Variants in CSMD3 observed in about 807,000 individuals in gnomAD.
CSMD3 encodes CUB and sushi domain-containing protein 3.
CSMD3 carries 177 observed loss-of-function variants against 435.2 expected under a neutral mutation model. That is an observed-to-expected ratio of 0.41 (90% confidence interval 0.36 to 0.46). CSMD3 has a LOEUF of 0.46. Among genes scored for constraint, CSMD3 ranks in the 20% least tolerant of loss-of-function variants. The pLI, the probability that CSMD3 is intolerant of heterozygous loss-of-function variation, is 0.34. For missense variants in CSMD3, 4,265 were observed against 4,504.6 expected (o/e 0.95, Z 1.52); for synonymous variants, 1,656 against 1,520.5 (o/e 1.09, Z -2.07).
intron 10 of CSMD3, among the ~76,000 whole-genome samples, chr8:112,906,531 T>G (rs2130493212): frequency 6.6e-6 from 1 of 151,676 alleles, no homozygotes; most frequent in Non-Finnish European, 1.5e-5. Flanking sequence ...ACCTATTTTT[T>G]TCTAGCCACT....
intron 4 of CSMD3, among the ~76,000 whole-genome samples, chr8:113,172,466 C>T (rs17606762): frequency 0.036 from 5,526 of 152,194 alleles, 158 homozygotes; most frequent in South Asian, 0.12. Context: ...TACGCAGCAA[C>T]GGAATCTAAC....
At chr8:112,799,025 T>C (rs1441819945) in intron 13 of CSMD3, among the ~76,000 whole-genome samples, 2 of 151,864 alleles carry the variant, frequency 1.3e-5, no homozygotes, top group East Asian at 3.9e-4. Context: ...GACAGATAAA[T>C]ACATGTAACA....
At chr8:113,354,884 C>T (rs1018248997) in intron 1 of CSMD3, among the ~76,000 whole-genome samples, 3 of 152,100 alleles carry the variant, frequency 2.0e-5, no homozygotes, top group Admixed American at 6.6e-5. Flanking sequence ...AGCACTCCAC[C>T]GACCTGGGCC....
At chr8:112,403,133 C>A (rs902914278) in intron 35 of CSMD3, among the ~76,000 whole-genome samples, 18 of 152,072 alleles carry the variant, frequency 1.2e-4, no homozygotes, top group African/African-American at 4.3e-4. Context: ...ATAGAGTCAG[C>A]AATTCTGCAC....
chr8:113,355,635 G>A (rs1513519), intron 1 of CSMD3, among the ~76,000 whole-genome samples: 2 of 149,070 alleles, frequency 1.3e-5, no homozygotes, highest in African/African-American at 4.9e-5. Flanking sequence ...ACGAATTTTA[G>A]GGGGACACAA....
chr8:112,525,235 C>A (rs536386152), intron 27 of CSMD3, among the ~76,000 whole-genome samples: 84 of 151,300 alleles, frequency 5.6e-4, no homozygotes, highest in South Asian at 3.5e-3. Context: ...TTTTGACACA[C>A]TTTTATAATA....
intron 3 of CSMD3, among the ~76,000 whole-genome samples, chr8:113,207,271 A>C (rs765584300): frequency 7.2e-5 from 11 of 152,000 alleles, no homozygotes; most frequent in Non-Finnish European, 1.5e-4. Context: ...TTTTTATTTT[A>C]ATCAAGCCAA....
At chr8:112,626,899 T>C (rs1834519389) in intron 22 of CSMD3, among the ~76,000 whole-genome samples, 2 of 152,142 alleles carry the variant, frequency 1.3e-5, no homozygotes. Flanking sequence ...CAATCTAACT[T>C]GCTTTGAATA....
rs2130678240 is a variant in CSMD3, at chr8:112,291,636, G to C, written c.8848C>G (p.His2950Asp). Residue 2950 changes from histidine to aspartate, a missense_variant, in exon 56 of 71, where the codon CAT becomes GAT. Physicochemically the swap from His to Asp is moderately conservative, Grantham distance 81. Transcript: ENST00000297405. Reference sequence around the variant, plus strand: ...ACAGTGCCGTAAGTAAAATTTCCATGTTCTATTTTACTTTCTCTTTTAGAA... The same window carrying C: ...ACAGTGCCGTAAGTAAAATTTCCATCTTCTATTTTACTTTCTCTTTTAGAA... ...ANSKRESKIE[H>D]GNFTYGTVVF... 2.5e-6 allele frequency: 4 copies of C among 1,611,318 alleles called. No homozygotes were observed. The highest frequency in any genetic ancestry group is 2.5e-6 in the Non-Finnish European group (3 of 1,177,882).
chr8:113,291,555 T>A (rs146459546), intron 2 of CSMD3, among the ~76,000 whole-genome samples: 11 of 151,886 alleles, frequency 7.2e-5, no homozygotes, highest in African/African-American at 2.6e-4. Flanking sequence ...ATAAGGCTAG[T>A]AGATAGACTT....
intron 50 of CSMD3, among the ~76,000 whole-genome samples, chr8:112,309,306 T>C (rs1042851581): frequency 1.3e-5 from 2 of 151,910 alleles, no homozygotes; most frequent in African/African-American, 4.8e-5. Context: ...AAGGATTATA[T>C]ATGTATACCA....
chr8:112,521,746 T>TTTAACTTAAGGAA lies in CSMD3; in HGVS notation c.4565-4522_4565-4521insTTCCTTAAGTTAA, dbSNP rs568545564. Among the ~76,000 whole-genome samples, 53 of 152,036 alleles carry TTTAACTTAAGGAA rather than the reference T, an allele frequency of 3.5e-4. 2 individuals are homozygous for TTTAACTTAAGGAA. The South Asian group carries it at 9.7e-3, about 28-fold the overall frequency. ...CCTATTTAACTTCTGTACTTAGATA[T>TTTAACTTAAGGAA]CTGGTAGGTTCCTTAACTTACTATG... On this transcript the variant is annotated intron_variant, in intron 27 of 70. Coordinates refer to ENST00000297405, the MANE Select transcript of CSMD3 (RefSeq NM_198123.2).
chr8:113,007,166 G>C (rs1313337412), intron 6 of CSMD3, among the ~76,000 whole-genome samples: 1 of 151,884 alleles, frequency 6.6e-6, no homozygotes, highest in Non-Finnish European at 1.5e-5. Flanking sequence ...AGAAAAATTT[G>C]ACCTTGAATC....
chr8:112,931,574 A>C (rs12550170), intron 9 of CSMD3, among the ~76,000 whole-genome samples: 64,833 of 151,626 alleles, frequency 0.43, 13,994 homozygotes, highest in East Asian at 0.51. Flanking sequence ...AAATCACAGG[A>C]AACAAAAAGA....
intron 32 of CSMD3, among the ~76,000 whole-genome samples, chr8:112,464,308 A>T (rs2130700918): frequency 6.6e-6 from 1 of 152,156 alleles, no homozygotes; most frequent in South Asian, 2.1e-4. Context: ...AAAGAATCTA[A>T]TCCTCAGGCT....
At chr8:113,112,441 A>G (rs1487249021) in intron 4 of CSMD3, among the ~76,000 whole-genome samples, 10 of 35,430 alleles carry the variant, frequency 2.8e-4, no homozygotes, top group East Asian at 1.2e-3. Context: ...ATATATATAT[A>G]TATATATGTA....
chr8:113,067,484 A>G (rs1489698934), intron 5 of CSMD3, among the ~76,000 whole-genome samples: 6 of 152,168 alleles, frequency 3.9e-5, no homozygotes, highest in Admixed American at 3.9e-4. Context: ...TAAAATTTAT[A>G]TAGTGTAAAG....
chr8:112,765,395 G>C (rs950410087), intron 13 of CSMD3, among the ~76,000 whole-genome samples: 1 of 151,532 alleles, frequency 6.6e-6, no homozygotes, highest in Non-Finnish European at 1.5e-5. Context: ...GAGGGATATA[G>C]GATGATGCCA....
At chr8:112,944,957 C>A (rs1012001483) in intron 9 of CSMD3, among the ~76,000 whole-genome samples, 2 of 151,424 alleles carry the variant, frequency 1.3e-5, no homozygotes, top group African/African-American at 4.8e-5. Context: ...TGTATATATG[C>A]CTATGGTTCC....
Sources: gnomAD v4.1 joint callset for allele counts (sites outside exome capture counted in the v4.1 genomes callset) on GRCh38, gnomAD v4.1.1 for gene constraint, MANE v1.5 for transcripts, NCBI Gene and HGNC (gene_info 2026-07-23, HGNC 2026-07-21) for gene names.